SMARCC1: variants seen among roughly 807,000 people sequenced by gnomAD.
The protein encoded by SMARCC1 is SWI/SNF complex subunit SMARCC1.
In SMARCC1, 43 loss-of-function variants were observed where a neutral mutation model predicts 147.4. That is an observed-to-expected ratio of 0.29 (90% CI 0.23 to 0.38). The LOEUF is 0.38. Ranked by LOEUF, SMARCC1 falls within the 10% of genes least tolerant of loss-of-function variation. SMARCC1 has a pLI of 1.00. For missense variants in SMARCC1, 1,119 were observed against 1,381.1 expected, an observed-to-expected ratio of 0.81 and a Z score of 3.01; for synonymous variants, 495 against 484.4, an observed-to-expected ratio of 1.02 and a Z score of -0.29.
intron 18 of SMARCC1, 122 bp from the exon 19 acceptor site, chr3:47,670,839 A>C (rs1210577104): frequency 2.9e-6 from 2 of 698,420 alleles, no homozygotes; most frequent in Non-Finnish European, 5.2e-6. Context: ...GTCTTTGACT[A>C]ACAGGAATAA....
In SMARCC1 at chr3:47,713,266, C is replaced by T. The variant is rs577717984; in HGVS notation, c.792+1149G>A. 4.0e-5 allele frequency among the ~76,000 whole-genome samples: 6 copies of T among 151,870 alleles called. No homozygotes were observed. In the East Asian group the frequency reaches 5.8e-4, roughly 15 times the overall value. ...CCGGGAGGTGGAGCTTGCCGTAAGCCGAGATCGCGCCACTGCACTCCAGCC... is the reference window on the plus strand; with the variant it reads ...CCGGGAGGTGGAGCTTGCCGTAAGCTGAGATCGCGCCACTGCACTCCAGCC... On this transcript the variant is annotated intron_variant, in intron 8 of 27. Coordinates refer to ENST00000254480, the MANE Select transcript of SMARCC1 (RefSeq NM_003074.4).
chr3:47,678,635 T>C (rs1411773000), intron 15 of SMARCC1, among the ~76,000 whole-genome samples: 3 of 152,248 alleles, frequency 2.0e-5, no homozygotes, highest in African/African-American at 7.2e-5. Flanking sequence ...TCTGCCTCAC[T>C]ACCACATATC....
intron 21 of SMARCC1, among the ~76,000 whole-genome samples, chr3:47,649,863 C>T (rs2033164309): frequency 2.0e-5 from 3 of 152,050 alleles, no homozygotes; most frequent in Admixed American, 1.3e-4. Context: ...GCTGGTGTCC[C>T]AAAAAGGGAC....
Position 47,702,230 on chromosome 3 carries a change from C to CAAAAA in SMARCC1, c.1041-833_1041-829dup, listed in dbSNP as rs200524652. Among the ~76,000 whole-genome samples the CAAAAA allele has an allele frequency of 3.8e-4, 50 of 131,104 alleles. 1 individual carries two copies. Among genetic ancestry groups the CAAAAA allele is most frequent in the South Asian group, 1.7e-3 (7 of 4,074 alleles). 86.0% of individuals were successfully genotyped at this position (131,104 alleles called of 152,430 possible). A position where few individuals can be genotyped will look rare whatever the true frequency, so the allele number is the denominator to read the frequency against. ...TAAAACTAATAAATGTCAGGGGGCTCAAAAAAAAAAAAAAAACCCCAGTGA... is the reference window on the plus strand; with the variant it reads ...TAAAACTAATAAATGTCAGGGGGCTCAAAAAAAAAAAAAAAAAAAAACCCCAGTGA... On this transcript the variant is annotated intron_variant, in intron 10 of 27. Transcript: ENST00000254480.
At chr3:47,774,812 C>A (rs1017618760) in intron 1 of SMARCC1, among the ~76,000 whole-genome samples, 2 of 149,404 alleles carry the variant, frequency 1.3e-5, no homozygotes, top group African/African-American at 4.9e-5. Context: ...GGACCATATA[C>A]TTTTTTTTTT....
At chr3:47,640,533 T>C (rs1576396140) in intron 21 of SMARCC1, among the ~76,000 whole-genome samples, 1 of 152,218 alleles carries the variant, frequency 6.6e-6, no homozygotes, top group Non-Finnish European at 1.5e-5. Flanking sequence ...ATCAAACTGA[T>C]TCCAGAAGAA....
intron 2 of SMARCC1, 129 bp downstream of exon 2, chr3:47,772,688 A>C: frequency 1.2e-6 from 1 of 814,150 alleles, no homozygotes; most frequent in East Asian, 2.7e-5. Context: ...TCTATAACTA[A>C]AATTTGTTTT....
intron 2 of SMARCC1, among the ~76,000 whole-genome samples, chr3:47,771,591 T>C (rs2034914885): frequency 6.6e-6 from 1 of 151,674 alleles, no homozygotes; most frequent in Non-Finnish European, 1.5e-5. Context: ...AATACAAAAA[T>C]TAGCCAGGTG....
chr3:47,761,557 C>A (rs1472483618), intron 2 of SMARCC1, among the ~76,000 whole-genome samples: 1 of 152,096 alleles, frequency 6.6e-6, no homozygotes, highest in Non-Finnish European at 1.5e-5. Flanking sequence ...TCAAGCTATT[C>A]CCTCCCTGCT....
At chr3:47,748,129 G>C (rs369497466) in intron 2 of SMARCC1, among the ~76,000 whole-genome samples, 1 of 152,104 alleles carries the variant, frequency 6.6e-6, no homozygotes, top group Non-Finnish European at 1.5e-5. Flanking sequence ...CAGCCTGGGC[G>C]ACACAGTGAG....
intron 18 of SMARCC1, among the ~76,000 whole-genome samples, chr3:47,671,198 A>AAAAAAAAAAAAAC (rs2033497285): frequency 2.9e-5 from 4 of 136,678 alleles, no homozygotes; most frequent in Admixed American, 7.3e-5. Context: ...AAAAAAAAAA[A>AAAAAAAAAAAAAC]CACACACAAA....
intron 26 of SMARCC1, among the ~76,000 whole-genome samples, chr3:47,592,882 C>T (rs1027771776): frequency 7.5e-5 from 11 of 145,928 alleles, no homozygotes; most frequent in East Asian, 2.1e-4. Flanking sequence ...TGCAGTAACA[C>T]GATTTCAGCT....
chr3:47,592,915 G>A (rs2032209038), intron 26 of SMARCC1, among the ~76,000 whole-genome samples: 1 of 150,622 alleles, frequency 6.6e-6, no homozygotes, highest in South Asian at 2.1e-4. Flanking sequence ...TGCTTCTTGG[G>A]TTCAAAGGAT....
At chr3:47,647,363 T>G (rs2033131332) in intron 21 of SMARCC1, among the ~76,000 whole-genome samples, 1 of 152,232 alleles carries the variant, frequency 6.6e-6, no homozygotes, top group African/African-American at 2.4e-5. Flanking sequence ...GCAAGCTTTG[T>G]GTTACATGAT....
chr3:47,592,454 A>G (rs2032199271), intron 26 of SMARCC1, among the ~76,000 whole-genome samples: 1 of 152,228 alleles, frequency 6.6e-6, no homozygotes. Flanking sequence ...CAACCATTTA[A>G]ACTATAAAAA....
intron 9 of SMARCC1, among the ~76,000 whole-genome samples, chr3:47,707,095 G>C (rs2034002586): frequency 6.6e-6 from 1 of 152,114 alleles, no homozygotes; most frequent in South Asian, 2.1e-4. Flanking sequence ...AAGATCACTT[G>C]AGGCAAGGAG....
intron 10 of SMARCC1, 155 bp from the exon 11 acceptor site, chr3:47,701,557 G>A: frequency 1.5e-6 from 1 of 679,268 alleles, no homozygotes; most frequent in Non-Finnish European, 2.5e-6. Flanking sequence ...GTTCATGCCT[G>A]TAATCAGAGC....
chr3:47,685,655 C>A (rs544567990), intron 14 of SMARCC1, among the ~76,000 whole-genome samples: 2 of 151,448 alleles, frequency 1.3e-5, no homozygotes, highest in South Asian at 4.2e-4. Flanking sequence ...GTCAGGAGTT[C>A]AAAACCACCC....
chr3:47,685,797 C>T (rs2033714575), intron 14 of SMARCC1, among the ~76,000 whole-genome samples: 1 of 152,112 alleles, frequency 6.6e-6, no homozygotes, highest in South Asian at 2.1e-4. Flanking sequence ...GCAGAGGTTG[C>T]AGTGAGTCGA....
Sources: gnomAD v4.1 joint callset for allele counts (sites outside exome capture counted in the v4.1 genomes callset) on GRCh38, gnomAD v4.1.1 for gene constraint, MANE v1.5 for transcripts, NCBI Gene and HGNC (gene_info 2026-07-23, HGNC 2026-07-21) for gene names.